The following PLEC variants were observed in gnomAD, a reference collection of about 807,000 sequenced individuals.
The protein encoded by PLEC is plectin, also known as hemidesmosomal protein 1.
PLEC carries 216 observed loss-of-function variants against 392.8 expected under a neutral mutation model. The observed-to-expected ratio is 0.55, with a 90% CI of 0.49 to 0.62. The LOEUF is 0.62. PLEC is among the 20% of genes least tolerant of loss of function. The pLI is 0.00. For missense variants in PLEC, 6,863 were observed against 6,563.4 expected, an observed-to-expected ratio of 1.05 and a Z score of -1.58; for synonymous variants, 3,621 against 2,980.6, an observed-to-expected ratio of 1.21 and a Z score of -7.00.
In PLEC at chr8:143,923,304, G is replaced by A. The variant is rs1490470468; in HGVS notation, c.6625C>T (p.Leu2209=). Residue 2209 remains leucine, a synonymous_variant, in exon 31 of 32, where the codon CTG becomes TTG. Coordinates refer to ENST00000345136, the MANE Select transcript of PLEC (RefSeq NM_201384.3). ...DHQKNLLDEE[L]QRLKAEATEA... ...GTGGCCTCCGCCTTCAGCCGCTGCA[G>A]CTCCTCGTCCAGCAGGTTCTTCTGG... 6.2e-7 allele frequency: 1 copy of A among 1,609,230 alleles called. No homozygotes were observed. Among genetic ancestry groups the A allele is most frequent in the Non-Finnish European group, 8.5e-7 (1 of 1,179,676 alleles).
chr8:143,923,295 G>A lies in PLEC; in HGVS notation c.6634C>T (p.Leu2212=), dbSNP rs1586881475. 6.2e-7 allele frequency: 1 copy of A among 1,608,638 alleles called. No individual in the cohort carries two copies. The highest frequency in any genetic ancestry group is 2.2e-5 in the East Asian group (1 of 44,836). The change falls in exon 31 of 32, where the codon CTG becomes TTG. Residue 2212 remains leucine, a synonymous_variant. Coordinates refer to ENST00000345136, the MANE Select transcript of PLEC (RefSeq NM_201384.3). ...GCGGCCTCCGTGGCCTCCGCCTTCA[G>A]CCGCTGCAGCTCCTCGTCCAGCAGG... ...KNLLDEELQR[L]KAEATEAARQ...
Position 143,918,570 on chromosome 8 carries a change from C to T in PLEC, c.11251G>A (p.Gly3751Ser). Reference protein sequence around the residue: ...RLTVDEAVRKGLVGPELHDRL... With the variant: ...RLTVDEAVRKSLVGPELHDRL... ...TCGTGCAGCTCGGGCCCCACGAGGC[C>T]CTTCCGCACAGCCTCATCCACAGTC... Residue 3751 changes from glycine (G) to serine (S), a missense_variant, in exon 32 of 32, where the codon GGC becomes AGC. Gly to Ser is a moderately conservative substitution (Grantham distance 56, BLOSUM62 0). Coordinates refer to ENST00000345136, the MANE Select transcript of PLEC (RefSeq NM_201384.3). The T allele has an allele frequency of 6.2e-7, 1 of 1,611,768 alleles. No individual in the cohort carries two copies. The highest frequency in any genetic ancestry group is 1.1e-5 in the South Asian group (1 of 91,056).
Position 143,923,954 on chromosome 8 carries a change from T to C in PLEC, c.5975A>G (p.Lys1992Arg). 3.1e-6 allele frequency: 5 copies of C among 1,593,176 alleles called. No individual in the cohort carries two copies. Among genetic ancestry groups the C allele is most frequent in the Non-Finnish European group, 4.2e-6 (5 of 1,177,276 alleles). Reference protein sequence around the residue: ...RRREAEERVQKSLAAEEEAAR... With the variant: ...RRREAEERVQRSLAAEEEAAR... ...GGCCTCCTCCTCGGCCGCCAGGCTCTTCTGCACGCGCTCCTCAGCCTCACG... is the reference window on the plus strand; with the variant it reads ...GGCCTCCTCCTCGGCCGCCAGGCTCCTCTGCACGCGCTCCTCAGCCTCACG... The change falls in exon 31 of 32, where the codon AAG becomes AGG. Residue 1992 changes from lysine to arginine, a missense_variant. Transcript: ENST00000345136.
rs368355246 is a variant in PLEC, at chr8:143,925,149, G to A, written c.4780C>T (p.Arg1594Cys). The A allele has an allele frequency of 3.9e-6, 6 of 1,558,322 alleles. No individual in the cohort carries two copies. The highest frequency in any genetic ancestry group is 1.7e-4 in the Middle Eastern group (1 of 5,770). The change falls in exon 31 of 32, where the codon CGC becomes TGC. Residue 1594 changes from arginine (R) to cysteine (C), a missense_variant. By Grantham distance (180) the Arg-to-Cys change is radical. Transcript: ENST00000345136. ...SFAEKTAQLE[R>C]SLQEEHVAVA... ...GCCACGTGTTCCTCCTGCAGGGAGC[G>A]CTCCAGCTGTGCCGTCTTCTCGGCG...
chr8:143,944,058 C>A, upstream of PLEC: 1 of 948,716 alleles, frequency 1.1e-6, no homozygotes, highest in Non-Finnish European at 1.5e-6. Flanking sequence ...CACAACAGCT[C>A]CCGCCCGCCT....
At position 143,923,935 on chromosome 8, in the gene PLEC, C is replaced by T; in HGVS notation, c.5994G>A (p.Glu1998=). The T allele has an allele frequency of 6.3e-7, 1 of 1,594,508 alleles. No homozygotes were observed. ...CCGCCTTCCGCTGCCGTGCGGCCTCCTCCTCGGCCGCCAGGCTCTTCTGCA... is the reference window on the plus strand; with the variant it reads ...CCGCCTTCCGCTGCCGTGCGGCCTCTTCCTCGGCCGCCAGGCTCTTCTGCA... ...ERVQKSLAAE[E]EAARQRKAAL... Residue 1998 remains glutamate (E), a synonymous_variant, in exon 31 of 32, where the codon GAG becomes GAA. Transcript: ENST00000345136.
Position 143,931,567 on chromosome 8 carries a change from G to C in PLEC, c.2271C>G (p.Val757=). 1.9e-6 allele frequency: 3 copies of C among 1,596,592 alleles called. No homozygotes were observed. Among genetic ancestry groups the C allele is most frequent in the Non-Finnish European group, 2.6e-6 (3 of 1,171,830 alleles). ...RKYSCDRSAT[V]TRLEDLLQDA... is the part of the protein sequence containing the mutation. Reference sequence around the variant, plus strand: ...CCTGCAGCAGGTCCTCCAGCCGGGTGACGGTGGCGGAGCGATCACAACTGT... The same window carrying C: ...CCTGCAGCAGGTCCTCCAGCCGGGTCACGGTGGCGGAGCGATCACAACTGT... Residue 757 remains valine, a synonymous_variant, in exon 19 of 32, where the codon GTC becomes GTG. Transcript: ENST00000345136.
rs782692436 is a variant in PLEC, at chr8:143,917,467, G to A, written c.12354C>T (p.Leu4118=). 90 of 1,613,686 alleles carry A rather than the reference G, an allele frequency of 5.6e-5. No homozygotes were observed. In the Admixed American group the frequency reaches 1.4e-3, roughly 25 times the overall value. Residue 4118 remains leucine, a synonymous_variant, in exon 32 of 32, where the codon CTC becomes CTT. Transcript: ENST00000345136. The stretch of plus-strand genomic sequence containing the variant: ...CCCGCTTCTTCTCCTTCAGCGGCAA[G>A]AGACACAGGCCCGTCTGGGGGTCAG... The part of the protein sequence containing the change: ...CITDPQTGLC[L]LPLKEKKRER...
rs1262811169 is a variant in PLEC, at chr8:143,916,069, T to C, written c.*108A>G. 2 of 709,172 alleles carry C rather than the reference T, an allele frequency of 2.8e-6. No individual in the cohort carries two copies. Among genetic ancestry groups the C allele is most frequent in the Admixed American group, 6.1e-5 (2 of 32,732 alleles). The allele number at this position is 709,172 out of a possible 1,614,324, so 43.9% of individuals were successfully genotyped here. A position where few individuals can be genotyped will look rare whatever the true frequency, so the allele number is the denominator to read the frequency against. Reference sequence around the variant, plus strand: ...ATTAGTCTGGTCTTTTTGGTTAAACTTTAGGCACCACTTGGGAGGAAGACA... The same window carrying C: ...ATTAGTCTGGTCTTTTTGGTTAAACCTTAGGCACCACTTGGGAGGAAGACA... On this transcript the variant is annotated 3_prime_UTR_variant, in exon 32 of 32. Transcript: ENST00000345136.
At chr8:143,962,305 C>A (rs1832905538) in intron 1 of PLEC, among the ~76,000 whole-genome samples, 1 of 152,150 alleles carries the variant, frequency 6.6e-6, no homozygotes, top group Admixed American at 6.5e-5. Flanking sequence ...TTGGAAGAGG[C>A]AGGCGGCTAT....
chr8:143,918,678 G>C lies in PLEC; in HGVS notation c.11143C>G (p.Leu3715Val), dbSNP rs370177411. The C allele has an allele frequency of 4.3e-6, 7 of 1,612,822 alleles. No homozygotes were observed. The highest frequency in any genetic ancestry group is 5.9e-6 in the Non-Finnish European group (7 of 1,180,004). ...AGCAGGCGGGCCACCTCGGCACTCA[G>C]CAGCCCTTTCTTGAGAGCCTGGTAG... ...SIYQALKKGL[L>V]SAEVARLLLE... is the part of the protein sequence containing the mutation. Residue 3715 changes from leucine (L) to valine (V), a missense_variant, in exon 32 of 32, where the codon CTG (leucine) becomes GTG (valine). Coordinates refer to ENST00000345136, the MANE Select transcript of PLEC (RefSeq NM_201384.3).
chr8:143,967,385 A>G (rs1190446003), intron 1 of PLEC, among the ~76,000 whole-genome samples: 1 of 150,448 alleles, frequency 6.6e-6, no homozygotes, highest in Non-Finnish European at 1.5e-5. Context: ...AAAAAAAAAA[A>G]AAAAGAAACA....
Position 143,922,232 on chromosome 8 carries a change from A to G in PLEC, c.7589T>C (p.Leu2530Pro). 1 of 1,580,850 alleles carries G rather than the reference A, an allele frequency of 6.3e-7. No homozygotes were observed. Among genetic ancestry groups the G allele is most frequent in the Non-Finnish European group, 8.6e-7 (1 of 1,166,264 alleles). Reference protein sequence around the residue: ...FQDEVAKAQQLREEQQRQQQQ... With the variant: ...FQDEVAKAQQPREEQQRQQQQ... The stretch of plus-strand genomic sequence containing the variant: ...CTGCTGCCGCTGCTGCTCCTCACGC[A>G]GCTGCTGTGCCTTGGCCACCTCGTC... Residue 2530 changes from leucine to proline, a missense_variant, in exon 32 of 32, where the codon CTG becomes CCG. Physicochemically the swap from Leu to Pro is moderately conservative, Grantham distance 98. Transcript: ENST00000345136.
chr8:143,975,136 G>C (rs1009850729), upstream of PLEC: 1 of 1,585,158 alleles, frequency 6.3e-7, no homozygotes, highest in Non-Finnish European at 8.6e-7. This position sits in a 1 kb window ranked among gnomAD's most constrained non-coding sequence, Gnocchi z 9.9. Context: ...AGTCAACCTC[G>C]CGTGCCAAGG....
chr8:143,960,277 C>A (rs982173373), intron 1 of PLEC, among the ~76,000 whole-genome samples: 3 of 149,320 alleles, frequency 2.0e-5, no homozygotes, highest in African/African-American at 4.9e-5. Flanking sequence ...AGCGAAACTC[C>A]GTCTCAAATA....
intron 1 of PLEC, among the ~76,000 whole-genome samples, chr8:143,972,919 G>GT (rs1292567789): frequency 6.7e-6 from 1 of 150,032 alleles, no homozygotes; most frequent in African/African-American, 2.5e-5. Flanking sequence ...GAAGGGGTGT[G>GT]GGGGGGGTGC....
At chr8:143,960,432 C>A (rs1478184065) in intron 1 of PLEC, among the ~76,000 whole-genome samples, 8 of 152,010 alleles carry the variant, frequency 5.3e-5, no homozygotes, top group African/African-American at 1.4e-4. Flanking sequence ...GCCTGGCCAA[C>A]AAGGTGAAAC....
At chr8:143,974,571 G>C (rs888510882), upstream of PLEC, among the ~76,000 whole-genome samples, 2 of 152,182 alleles carry the variant, frequency 1.3e-5, no homozygotes, top group Non-Finnish European at 2.9e-5. This position sits in a 1 kb window ranked among gnomAD's most constrained non-coding sequence, Gnocchi z 5.9. Context: ...GCCCTCTCCT[G>C]GCCTCCCGCA....
chr8:143,964,749 C>T (rs962129784), intron 1 of PLEC, among the ~76,000 whole-genome samples: 3 of 152,134 alleles, frequency 2.0e-5, no homozygotes, highest in African/African-American at 7.2e-5. Context: ...ATGACAGTGG[C>T]GTCCAGCTGT....
Sources: gnomAD v4.1 joint callset for allele counts (sites outside exome capture counted in the v4.1 genomes callset) on GRCh38, gnomAD v4.1.1 for gene constraint, Gnocchi (gnomAD v3.1) non-coding constraint, MANE v1.5 for transcripts, NCBI Gene and HGNC (gene_info 2026-07-23, HGNC 2026-07-21) for gene names.